The following TEX14 variants were observed in gnomAD, a reference collection of about 807,000 sequenced individuals.
TEX14 encodes the protein inactive serine/threonine-protein kinase TEX14.
TEX14 carries 168 observed loss-of-function variants against 178.6 expected under a neutral mutation model. That is an observed-to-expected ratio of 0.94 (90% confidence interval 0.83 to 1.07). The LOEUF is 1.07. Among genes scored for constraint, TEX14 ranks in the 50% least tolerant of loss-of-function variants. The pLI is 0.00. For synonymous variants in TEX14, 626 were observed against 634.1 expected, an observed-to-expected ratio of 0.99 and a Z score of 0.19; for missense variants, 1,730 against 1,753.6, an observed-to-expected ratio of 0.99 and a Z score of 0.24.
At chr17:58,584,455 T>C in intron 19 of TEX14, 45 bp downstream of exon 19, 1 of 1,351,372 alleles carries the variant, frequency 7.4e-7, no homozygotes, top group Non-Finnish European at 1.1e-6. Context: ...TTCTATCTTA[T>C]TAGATCTTTG....
chr17:58,657,896 C>T (rs1214573295), intron 1 of TEX14, among the ~76,000 whole-genome samples: 1 of 152,164 alleles, frequency 6.6e-6, no homozygotes. Flanking sequence ...CTGGATGCTA[C>T]AAGATTCTGA....
chr17:58,644,965 G>A (rs538500332), intron 2 of TEX14, among the ~76,000 whole-genome samples: 10 of 148,438 alleles, frequency 6.7e-5, no homozygotes, highest in African/African-American at 2.2e-4. Context: ...CTGTTCTTGA[G>A]TTGTATTCTT....
chr17:58,673,144 TTG>T (rs1180471475), intron 1 of TEX14, among the ~76,000 whole-genome samples: 1 of 152,090 alleles, frequency 6.6e-6, no homozygotes, highest in Non-Finnish European at 1.5e-5. Flanking sequence ...GGGGATGTTT[TTG>T]TTTCCCTGGG....
chr17:58,632,576 T>A (rs1211611152), intron 2 of TEX14, among the ~76,000 whole-genome samples: 1 of 152,204 alleles, frequency 6.6e-6, no homozygotes, highest in Non-Finnish European at 1.5e-5. Flanking sequence ...CAGACAAAAC[T>A]CTACATACTT....
chr17:58,631,969 C>T (rs1567748436), intron 2 of TEX14: 1 of 152,148 alleles, frequency 6.6e-6, no homozygotes, highest in African/African-American at 2.4e-5. Flanking sequence ...TTTCCACTAC[C>T]AAAGTTCGAA....
In TEX14 at chr17:58,613,406, G is replaced by T; in HGVS notation, c.1005+15C>A. 1 of 1,613,836 alleles carries T rather than the reference G, an allele frequency of 6.2e-7. No individual in the cohort carries two copies. On this transcript the variant is annotated intron_variant, in intron 9 of 31. Coordinates refer to ENST00000349033, the MANE Select transcript of TEX14 (RefSeq NM_031272.5). ...GGAGGTCAGCAATGGAAAATCCACG[G>T]AAACAGCAGTTTACTCGTTCATGAA...
In TEX14 at chr17:58,565,811, C is replaced by T. The variant is rs976558148; in HGVS notation, c.3900G>A (p.Gln1300=). ...GCAACACCGTGGATGAGCCCTGCTGCTGTTTCAAGAGCTCTGTCACAACAC... is the reference window on the plus strand; with the variant it reads ...GCAACACCGTGGATGAGCCCTGCTGTTGTTTCAAGAGCTCTGTCACAACAC... ...ELLDDIELLK[Q]QQGSSTVLHE... The change falls in exon 27 of 32, where the codon CAG becomes CAA. Residue 1300 remains glutamine (Q), a synonymous_variant. Transcript: ENST00000349033. The T allele has an allele frequency of 3.1e-6, 5 of 1,606,766 alleles. No individual in the cohort carries two copies. Among genetic ancestry groups the T allele is most frequent in the Admixed American group, 1.7e-5 (1 of 59,230 alleles).
At chr17:58,559,382 T>A (rs763358069) in intron 30 of TEX14, 71 bp downstream of exon 30, 4 of 683,394 alleles carry the variant, frequency 5.9e-6, no homozygotes, top group Non-Finnish European at 1.0e-5. Context: ...GGGAAACATT[T>A]CTAAATAACT....
rs1188214188 is a variant in TEX14, at chr17:58,684,669, AT to A, written c.-2+7269del. Among the ~76,000 whole-genome samples the A allele has an allele frequency of 2.2e-5, 3 of 137,316 alleles. No homozygotes were observed. In the East Asian group the frequency reaches 6.4e-4, roughly 29 times the overall value. The allele number at this position is 137,316 out of a possible 152,430, so 90.1% of individuals were successfully genotyped here. Reference sequence around the variant, plus strand: ...AATAAATAAATAAATAAATAAATAAATAAATAAATAAAAAGCTTTCTTCCTC... The same window carrying A: ...AATAAATAAATAAATAAATAAATAAAAAATAAATAAAAAGCTTTCTTCCTC... On this transcript the variant is annotated intron_variant, in intron 1 of 31. Coordinates refer to ENST00000349033, the MANE Select transcript of TEX14 (RefSeq NM_031272.5).
intron 21 of TEX14, among the ~76,000 whole-genome samples, chr17:58,576,911 T>C (rs543591069): frequency 2.1e-4 from 32 of 152,386 alleles, no homozygotes; most frequent in African/African-American, 7.7e-4. Flanking sequence ...TACCAAAGTC[T>C]GTTTAATCAT....
At chr17:58,646,356 C>G (rs2046707126) in intron 2 of TEX14, among the ~76,000 whole-genome samples, 1 of 152,154 alleles carries the variant, frequency 6.6e-6, no homozygotes, top group Non-Finnish European at 1.5e-5. Flanking sequence ...TCTGACTGGT[C>G]CAGCCCAGGC....
chr17:58,581,992 T>G (rs1292650304), intron 19 of TEX14, among the ~76,000 whole-genome samples: 1 of 152,120 alleles, frequency 6.6e-6, no homozygotes, highest in Non-Finnish European at 1.5e-5. Context: ...TGGGTGGAGA[T>G]GAGGTGACCG....
intron 2 of TEX14, among the ~76,000 whole-genome samples, chr17:58,651,239 C>T (rs1343921637): frequency 1.3e-5 from 2 of 152,192 alleles, no homozygotes; most frequent in African/African-American, 4.8e-5. Flanking sequence ...GATCATGCTA[C>T]TGCACTGCAT....
At chr17:58,612,010 G>T (rs1293713015) in intron 9 of TEX14, among the ~76,000 whole-genome samples, 2 of 152,158 alleles carry the variant, frequency 1.3e-5, no homozygotes, top group Non-Finnish European at 2.9e-5. Context: ...AAAGTATTTA[G>T]AACAAAGTCA....
Position 58,616,225 on chromosome 17 carries a change from A to G in TEX14, c.717T>C (p.Asp239=). Reference sequence around the variant, plus strand: ...TGAAGAAAGAGAAGGTGGGCTCATCATCAGCTTGAATCACTTCCTTTTCTC... The same window carrying G: ...TGAAGAAAGAGAAGGTGGGCTCATCGTCAGCTTGAATCACTTCCTTTTCTC... ...VIGEKEVIQA[D]DEPTFSFFSG... Residue 239 remains aspartate (D), a synonymous_variant, in exon 7 of 32, where the codon GAT becomes GAC. Transcript: ENST00000349033. 6.2e-7 allele frequency: 1 copy of G among 1,614,100 alleles called. No homozygotes were observed. The highest frequency in any genetic ancestry group is 8.5e-7 in the Non-Finnish European group (1 of 1,179,986).
chr17:58,585,484 C>T (rs2044933925), intron 18 of TEX14, among the ~76,000 whole-genome samples: 1 of 152,066 alleles, frequency 6.6e-6, no homozygotes, highest in African/African-American at 2.4e-5. Context: ...CACTGTCACC[C>T]AAGCTGGAGT....
rs190078349 is a variant in TEX14, at chr17:58,600,922, T to C, written c.1678+884A>G. ...CTGATGACTGCAAGGTCCTTTCCAGTTCTAAATTCTAAGGTTTTCAAATGT... is the reference window on the plus strand; with the variant it reads ...CTGATGACTGCAAGGTCCTTTCCAGCTCTAAATTCTAAGGTTTTCAAATGT... On this transcript the variant is annotated intron_variant, in intron 13 of 31. Transcript: ENST00000349033. Among the ~76,000 whole-genome samples the C allele has an allele frequency of 7.4e-4, 113 of 152,266 alleles. 1 individual carries two copies. Among genetic ancestry groups the C allele is most frequent in the Middle Eastern group, 3.4e-3 (1 of 294 alleles).
chr17:58,582,459 A>G (rs1215949279), intron 19 of TEX14, among the ~76,000 whole-genome samples: 1 of 151,688 alleles, frequency 6.6e-6, no homozygotes, highest in Non-Finnish European at 1.5e-5. Context: ...GGGTTTCACT[A>G]TGGTGGCCAA....
Position 58,556,797 on chromosome 17 carries a change from C to T in TEX14, c.*214G>A, listed in dbSNP as rs549065705. 2.0e-6 allele frequency: 1 copy of T among 489,434 alleles called. No individual in the cohort carries two copies. The highest frequency in any genetic ancestry group is 3.6e-6 in the Non-Finnish European group (1 of 275,236). 30.3% of individuals were successfully genotyped at this position (489,434 alleles called of 1,614,324 possible). A position where few individuals can be genotyped will look rare whatever the true frequency, so the allele number is the denominator to read the frequency against. On this transcript the variant is annotated 3_prime_UTR_variant, in exon 32 of 32. Coordinates refer to ENST00000349033, the MANE Select transcript of TEX14 (RefSeq NM_031272.5). ...AAAATTTTTACTATCAAAACTACCTCTCACTTTTCAGAAATCTGACTGAAA... is the reference window on the plus strand; with the variant it reads ...AAAATTTTTACTATCAAAACTACCTTTCACTTTTCAGAAATCTGACTGAAA...
Sources: allele counts gnomAD v4.1 joint callset (sites outside exome capture counted in the v4.1 genomes callset), GRCh38; gene constraint gnomAD v4.1.1; transcripts MANE v1.5; gene names NCBI Gene and HGNC (gene_info 2026-07-23, HGNC 2026-07-21).